PRDM11: variants seen among roughly 807,000 people sequenced by gnomAD.
PRDM11 encodes the protein PR/SET domain 11.
PRDM11 carries 20 observed loss-of-function variants against 97.8 expected under a neutral mutation model. The observed-to-expected ratio is 0.20, with a 90% CI of 0.14 to 0.30. PRDM11 has a LOEUF of 0.30. Among genes scored for constraint, PRDM11 ranks in the 10% least tolerant of loss-of-function variants. PRDM11 has a pLI of 1.00. For synonymous variants in PRDM11, 599 were observed against 637.7 expected, an observed-to-expected ratio of 0.94 and a Z score of 0.91; for missense variants, 1,139 against 1,555.2, an observed-to-expected ratio of 0.73 and a Z score of 4.50.
intron 1 of PRDM11, among the ~76,000 whole-genome samples, chr11:45,104,157 G>A (rs1852023701): frequency 6.6e-6 from 1 of 152,250 alleles, no homozygotes; most frequent in Non-Finnish European, 1.5e-5. Context: ...GCCCTCAAGG[G>A]CCACTGCACC....
At chr11:45,102,396 G>A (rs958622284) in intron 1 of PRDM11, among the ~76,000 whole-genome samples, 6 of 152,166 alleles carry the variant, frequency 3.9e-5, no homozygotes, top group South Asian at 2.1e-4. Context: ...TGGCTTTCCC[G>A]GGGAGATGCT....
intron 5 of PRDM11, among the ~76,000 whole-genome samples, chr11:45,205,541 C>G (rs1255822952): frequency 6.6e-6 from 1 of 152,038 alleles, no homozygotes; most frequent in African/African-American, 2.4e-5. Context: ...AGATTTGGAT[C>G]TGGGTGGGAG....
intron 1 of PRDM11, among the ~76,000 whole-genome samples, chr11:45,170,946 C>T (rs943778734): frequency 6.6e-6 from 1 of 152,170 alleles, no homozygotes; most frequent in Non-Finnish European, 1.5e-5. Flanking sequence ...TAACCAACCA[C>T]CCCATCCCCC....
At chr11:45,123,679 G>A (rs1430300790) in intron 1 of PRDM11, among the ~76,000 whole-genome samples, 1 of 149,968 alleles carries the variant, frequency 6.7e-6, no homozygotes, top group Admixed American at 6.6e-5. Flanking sequence ...ATTTCTGAGG[G>A]CTCTGTTCTG....
At chr11:45,114,844 T>C (rs1852266771) in intron 1 of PRDM11, among the ~76,000 whole-genome samples, 1 of 151,940 alleles carries the variant, frequency 6.6e-6, no homozygotes, top group Non-Finnish European at 1.5e-5. Flanking sequence ...TAGAATTATA[T>C]ATCCAGAAAA....
Position 45,232,167 on chromosome 11 carries a change from A to T in PRDM11, c.*4008A>T, listed in dbSNP as rs1158729865. On this transcript the variant is annotated 3_prime_UTR_variant, in exon 8 of 8. Coordinates refer to ENST00000683152, the MANE Select transcript of PRDM11 (RefSeq NM_001384648.1). ...TTTCCATTCATTTGGAGGTGGTGCC[A>T]ACAGGGGGGAAAGCATGCAGAAGGC... 1.3e-5 allele frequency: 2 copies of T among 151,942 alleles called. No individual in the cohort carries two copies. Among genetic ancestry groups the T allele is most frequent in the African/African-American group, 4.8e-5 (2 of 41,254 alleles). The allele number at this position is 151,942 out of a possible 1,614,324, so 9.4% of individuals were successfully genotyped here. A position where few individuals can be genotyped will look rare whatever the true frequency, so the allele number is the denominator to read the frequency against.
chr11:45,115,742 C>T (rs1160526655), intron 1 of PRDM11, among the ~76,000 whole-genome samples: 2 of 151,864 alleles, frequency 1.3e-5, no homozygotes, highest in African/African-American at 4.8e-5. Context: ...TCAGCCTGGC[C>T]AACATGGTGA....
At chr11:45,207,681 G>C (rs1056972061) in intron 5 of PRDM11, among the ~76,000 whole-genome samples, 1 of 152,312 alleles carries the variant, frequency 6.6e-6, no homozygotes, top group Admixed American at 6.5e-5. Context: ...GAGTCCCATG[G>C]CTTGGCCCAA....
At chr11:45,213,192 G>A in intron 5 of PRDM11, 1 of 456,660 alleles carries the variant, frequency 2.2e-6, no homozygotes, top group Non-Finnish European at 4.4e-6. Flanking sequence ...GCAGGTCGCT[G>A]CCCTGTGGTC....
At chr11:45,155,059 C>G (rs1227290204) in intron 1 of PRDM11, among the ~76,000 whole-genome samples, 6 of 151,962 alleles carry the variant, frequency 3.9e-5, no homozygotes, top group Non-Finnish European at 8.8e-5. Flanking sequence ...CGCCTTCCCC[C>G]AGGCTTGTGT....
chr11:45,126,165 C>CT lies in PRDM11; in HGVS notation c.96+30271dup, dbSNP rs1251203346. Reference sequence around the variant, plus strand: ...CAGAGACTAGGATTGCAACCCCTGCCTTTTTTTGTTTTCCATTTGCTTGGT... The same window carrying CT: ...CAGAGACTAGGATTGCAACCCCTGCCTTTTTTTTGTTTTCCATTTGCTTGGT... On this transcript the variant is annotated intron_variant, in intron 1 of 6. Transcript: ENST00000530656. 3.3e-5 allele frequency among the ~76,000 whole-genome samples: 5 copies of CT among 152,036 alleles called. No individual in the cohort carries two copies. The East Asian group carries it at 7.7e-4, about 24-fold the overall frequency.
chr11:45,221,968 G>A (rs934827862), intron 6 of PRDM11, among the ~76,000 whole-genome samples: 11 of 152,160 alleles, frequency 7.2e-5, no homozygotes, highest in Non-Finnish European at 4.4e-5. Context: ...TTATATAGAA[G>A]GAGGTTTCTT....
intron 5 of PRDM11, chr11:45,213,554 T>A (rs1311873961): frequency 2.2e-6 from 1 of 456,496 alleles, no homozygotes; most frequent in Non-Finnish European, 4.4e-6. Flanking sequence ...CCGCTTGCCC[T>A]TGTGCGCGTG....
chr11:45,207,975 C>T (rs540799943), intron 5 of PRDM11, among the ~76,000 whole-genome samples: 2 of 152,142 alleles, frequency 1.3e-5, no homozygotes, highest in African/African-American at 4.8e-5. Flanking sequence ...GACAGAGCCA[C>T]GATGTGGAGA....
chr11:45,109,471 G>A (rs1418488001), intron 1 of PRDM11, among the ~76,000 whole-genome samples: 2 of 152,180 alleles, frequency 1.3e-5, no homozygotes, highest in Non-Finnish European at 1.5e-5. Context: ...TCTCTACCAT[G>A]CACAGATGAA....
intron 4 of PRDM11, among the ~76,000 whole-genome samples, chr11:45,188,935 C>G (rs1327856715): frequency 6.6e-6 from 1 of 152,190 alleles, no homozygotes; most frequent in Non-Finnish European, 1.5e-5. Flanking sequence ...GAGTTTTGCT[C>G]TCGTTACCCA....
At chr11:45,157,608 G>T (rs542501040) in intron 1 of PRDM11, among the ~76,000 whole-genome samples, 3 of 152,338 alleles carry the variant, frequency 2.0e-5, no homozygotes, top group African/African-American at 7.2e-5. Context: ...GCTGTTCCTC[G>T]ATTGTGTCTT....
In PRDM11 at chr11:45,139,952, A is replaced by G. The variant is rs981627690; in HGVS notation, c.97-41809A>G. Among the ~76,000 whole-genome samples the G allele has an allele frequency of 3.0e-4, 46 of 152,194 alleles. 3 individuals are homozygous for G. The highest frequency in any genetic ancestry group is 2.4e-5 in the African/African-American group (1 of 41,438). ...GGAATCATTAAGCCCAGTGATTCCT[A>G]TATTTCTTACTTTCATAACTGGAGG... On this transcript the variant is annotated intron_variant, in intron 1 of 6. Coordinates refer to the PRDM11 transcript ENST00000530656.
At chr11:45,094,387 A>G, upstream of PRDM11, among the ~76,000 whole-genome samples, 1 of 148,114 alleles carries the variant, frequency 6.8e-6, no homozygotes, top group Non-Finnish European at 1.5e-5. Flanking sequence ...TCCTCTGCCC[A>G]GTGCTGCCCC....
Sources: gnomAD v4.1 joint callset for allele counts (sites outside exome capture counted in the v4.1 genomes callset) on GRCh38, gnomAD v4.1.1 for gene constraint, MANE v1.5 for transcripts, NCBI Gene and HGNC (gene_info 2026-07-23, HGNC 2026-07-21) for gene names.